The following KCNIP1 variants were observed in gnomAD, a reference collection of about 807,000 sequenced individuals.
The protein encoded by KCNIP1 is A-type potassium channel modulatory protein KCNIP1.
In KCNIP1, 18 loss-of-function variants were observed where a neutral mutation model predicts 33.0. The ratio of observed to expected loss-of-function variants is 0.55; its 90% confidence interval spans 0.38 to 0.81. The LOEUF (loss-of-function observed/expected upper bound fraction) is 0.81. Among genes scored for constraint, KCNIP1 ranks in the 30% least tolerant of loss-of-function variants. The pLI is 0.00. For synonymous variants in KCNIP1, 93 were observed against 98.3 expected (o/e 0.95, Z 0.32); for missense variants, 238 against 271.6 (o/e 0.88, Z 0.87).
chr5:170,505,109 C>T (rs1754663058), intron 1 of KCNIP1, among the ~76,000 whole-genome samples: 1 of 152,202 alleles, frequency 6.6e-6, no homozygotes. Context: ...CCCCCAAAAC[C>T]TCTGCAAGCC....
At chr5:170,521,399 C>T (rs1412861023) in intron 1 of KCNIP1, among the ~76,000 whole-genome samples, 1 of 152,218 alleles carries the variant, frequency 6.6e-6, no homozygotes, top group Non-Finnish European at 1.5e-5. Context: ...TGCTCTGTCT[C>T]CCACCTGCTT....
intron 1 of KCNIP1, among the ~76,000 whole-genome samples, chr5:170,399,567 C>T (rs1437402074): frequency 2.6e-5 from 4 of 152,108 alleles, no homozygotes; most frequent in Non-Finnish European, 5.9e-5. Context: ...ATTCAATATC[C>T]TGAGGAAACC....
In KCNIP1 at chr5:170,577,617, G is replaced by A. The variant is rs997273305; in HGVS notation, c.61+72984G>A. Among the ~76,000 whole-genome samples, 5 of 152,166 alleles carry A rather than the reference G, an allele frequency of 3.3e-5. No individual in the cohort carries two copies. The South Asian group carries it at 1.0e-3, about 32-fold the overall frequency. On this transcript the variant is annotated intron_variant, in intron 1 of 7. Coordinates refer to ENST00000328939, the MANE Select transcript of KCNIP1 (RefSeq NM_014592.4). ...AAAAGGTTAAAGAAACAAAGAAACA[G>A]TGTTTTCTCAGGTGCTCTAAGTAAT...
At chr5:170,572,374 G>A (rs1265583242) in intron 1 of KCNIP1, among the ~76,000 whole-genome samples, 7 of 152,158 alleles carry the variant, frequency 4.6e-5, no homozygotes, top group Non-Finnish European at 8.8e-5. Flanking sequence ...ATGGACCCCG[G>A]TGGGACCTCC....
At chr5:170,556,340 A>G (rs1044871011) in intron 1 of KCNIP1, among the ~76,000 whole-genome samples, 21 of 152,222 alleles carry the variant, frequency 1.4e-4, no homozygotes, top group Admixed American at 6.5e-5. Flanking sequence ...AGGAGCTGCA[A>G]GAAATGATTT....
intron 1 of KCNIP1, among the ~76,000 whole-genome samples, chr5:170,522,057 G>A (rs2113309686): frequency 6.6e-6 from 1 of 152,334 alleles, no homozygotes; most frequent in African/African-American, 2.4e-5. Context: ...AGCCAGGCCT[G>A]CCACCGGCAG....
At chr5:170,633,182 G>C (rs1194384276) in intron 1 of KCNIP1, among the ~76,000 whole-genome samples, 4 of 152,112 alleles carry the variant, frequency 2.6e-5, no homozygotes, top group Non-Finnish European at 4.4e-5. Context: ...GGGCGGTGTG[G>C]GGCGCCACCT....
intron 1 of KCNIP1, among the ~76,000 whole-genome samples, chr5:170,413,836 A>T (rs1755258056): frequency 6.6e-6 from 1 of 151,722 alleles, no homozygotes; most frequent in South Asian, 2.1e-4. Context: ...TCTCTCTTAC[A>T]TGGGGAAATC....
intron 1 of KCNIP1, among the ~76,000 whole-genome samples, chr5:170,525,669 A>G (rs940315927): frequency 2.6e-5 from 4 of 152,230 alleles, no homozygotes; most frequent in Non-Finnish European, 5.9e-5. Flanking sequence ...CCAGCCAAAC[A>G]TGGTGACAAG....
At chr5:170,462,072 A>G (rs1756513875) in intron 1 of KCNIP1, among the ~76,000 whole-genome samples, 1 of 152,156 alleles carries the variant, frequency 6.6e-6, no homozygotes, top group Admixed American at 6.5e-5. Context: ...TTCATAACCA[A>G]GAACCAAAAG....
chr5:170,658,310 G>T (rs920708526), intron 1 of KCNIP1, among the ~76,000 whole-genome samples: 2 of 152,180 alleles, frequency 1.3e-5, no homozygotes, highest in Non-Finnish European at 2.9e-5. Context: ...GGTACTCCCT[G>T]CATAGTCCCA....
chr5:170,686,121 C>T (rs1334669467), intron 1 of KCNIP1, among the ~76,000 whole-genome samples: 3 of 152,196 alleles, frequency 2.0e-5, no homozygotes, highest in East Asian at 1.9e-4. Context: ...TGAGCAGATT[C>T]CTAGTACTGA....
At chr5:170,621,892 C>T (rs780890503) in intron 1 of KCNIP1, among the ~76,000 whole-genome samples, 7 of 152,126 alleles carry the variant, frequency 4.6e-5, no homozygotes, top group Admixed American at 3.9e-4. Flanking sequence ...AGAGATGGAA[C>T]GACGAAGACC....
intron 1 of KCNIP1, chr5:170,669,501 C>A (rs557459045): frequency 6.2e-5 from 61 of 984,126 alleles, no homozygotes; most frequent in Non-Finnish European, 7.2e-5. Flanking sequence ...TTCCCCAGAA[C>A]TACCTTAAAT....
chr5:170,719,385 A>C (rs1227443210), intron 2 of KCNIP1, among the ~76,000 whole-genome samples: 1 of 152,210 alleles, frequency 6.6e-6, no homozygotes, highest in East Asian at 1.9e-4. Flanking sequence ...GTTACAATCA[A>C]AAGTGGAGTC....
intron 1 of KCNIP1, among the ~76,000 whole-genome samples, chr5:170,545,540 C>G (rs969716717): frequency 6.6e-6 from 1 of 152,098 alleles, no homozygotes; most frequent in African/African-American, 2.4e-5. Context: ...ATGTGTTACT[C>G]ATACTGTTGT....
chr5:170,511,632 C>G (rs970203660), intron 1 of KCNIP1, among the ~76,000 whole-genome samples: 1 of 152,230 alleles, frequency 6.6e-6, no homozygotes, highest in African/African-American at 2.4e-5. Context: ...GGCCTCCACC[C>G]AGTGCCAGGC....
At chr5:170,551,748 C>CGT (rs538185357) in intron 1 of KCNIP1, among the ~76,000 whole-genome samples, 8 of 150,390 alleles carry the variant, frequency 5.3e-5, no homozygotes, top group East Asian at 3.9e-4. Flanking sequence ...TGTGTATATG[C>CGT]GTGTGTGTGT....
At chr5:170,692,681 C>T (rs2113818391) in intron 1 of KCNIP1, among the ~76,000 whole-genome samples, 1 of 152,268 alleles carries the variant, frequency 6.6e-6, no homozygotes, top group East Asian at 1.9e-4. Flanking sequence ...TGGAGATTGA[C>T]AAATGTGAAC....
Sources: allele counts gnomAD v4.1 joint callset (sites outside exome capture counted in the v4.1 genomes callset), GRCh38; gene constraint gnomAD v4.1.1; transcripts MANE v1.5; gene names NCBI Gene and HGNC (gene_info 2026-07-23, HGNC 2026-07-21).